The following RGS22 variants were observed in gnomAD, a reference collection of about 807,000 sequenced individuals.
RGS22 encodes the protein regulator of G-protein signaling 22.
A neutral mutation model predicts 172.9 loss-of-function variants in RGS22; 148 were observed. That is an observed-to-expected ratio of 0.86 (90% CI 0.75 to 0.98). The LOEUF (loss-of-function observed/expected upper bound fraction) is 0.98, where lower values mean the gene tolerates loss of function less well. RGS22 is among the 50% of genes least tolerant of loss of function. The pLI is 0.00. For missense variants in RGS22, 1,347 were observed against 1,440.8 expected (o/e 0.93, Z 1.05); for synonymous variants, 458 against 480.2 (o/e 0.95, Z 0.60).
chr8:99,999,266 A>G lies in RGS22; in HGVS notation c.2945T>C (p.Ile982Thr). Residue 982 changes from isoleucine (I) to threonine (T), a missense_variant, in exon 19 of 28, where the codon ATA becomes ACA. Ile to Thr is a moderately conservative substitution (Grantham distance 89). Transcript: ENST00000360863. ...ASEQFAARQK[I>T]KVQMKDIAEE... ...AGATTATACTAATTTATATACCTTTATCTTCTGACGTGCTGCAAACTGTTC... is the reference window on the plus strand; with the variant it reads ...AGATTATACTAATTTATATACCTTTGTCTTCTGACGTGCTGCAAACTGTTC... The G allele has an allele frequency of 6.2e-7, 1 of 1,613,296 alleles. No individual in the cohort carries two copies. Among genetic ancestry groups the G allele is most frequent in the Non-Finnish European group, 8.5e-7 (1 of 1,179,744 alleles).
intron 22 of RGS22, among the ~76,000 whole-genome samples, chr8:99,979,721 C>T (rs1007857668): frequency 2.6e-5 from 4 of 152,334 alleles, no homozygotes; most frequent in African/African-American, 9.6e-5. Context: ...TCCTTTCTGT[C>T]ATGATATATT....
intron 27 of RGS22, among the ~76,000 whole-genome samples, 197 bp downstream of exon 27, chr8:99,962,197 C>T (rs1810274347): frequency 6.6e-6 from 1 of 152,138 alleles, no homozygotes; most frequent in African/African-American, 2.4e-5. Context: ...AAAAGCAATA[C>T]ATGATCACTC....
chr8:100,020,322 A>G (rs1200874729), intron 14 of RGS22, among the ~76,000 whole-genome samples: 2 of 152,224 alleles, frequency 1.3e-5, no homozygotes, highest in Non-Finnish European at 2.9e-5. Flanking sequence ...CATACACTCT[A>G]AAGACAAAAG....
intron 6 of RGS22, among the ~76,000 whole-genome samples, chr8:100,069,627 T>C (rs1012290002): frequency 8.5e-5 from 13 of 152,212 alleles, no homozygotes; most frequent in Non-Finnish European, 1.3e-4. Context: ...AGACTCAATT[T>C]ATCTTTTTGT....
intron 14 of RGS22, among the ~76,000 whole-genome samples, chr8:100,033,945 G>C (rs1819146218): frequency 6.6e-6 from 1 of 152,112 alleles, no homozygotes; most frequent in Admixed American, 6.6e-5. Flanking sequence ...CAATAAACTA[G>C]GTATTGATGG....
intron 14 of RGS22, among the ~76,000 whole-genome samples, chr8:100,025,488 A>C (rs1160920819): frequency 1.3e-5 from 2 of 152,180 alleles, no homozygotes; most frequent in African/African-American, 4.8e-5. Context: ...CTTTTAGAAA[A>C]CAGAGCTTGA....
At chr8:100,034,473 A>G (rs998075728) in intron 14 of RGS22, among the ~76,000 whole-genome samples, 1 of 152,222 alleles carries the variant, frequency 6.6e-6, no homozygotes, top group African/African-American at 2.4e-5. Context: ...AGAGGACACA[A>G]ACAAATGGAA....
At chr8:100,035,674 C>G (rs978504659) in intron 14 of RGS22, among the ~76,000 whole-genome samples, 4 of 152,144 alleles carry the variant, frequency 2.6e-5, no homozygotes, top group African/African-American at 9.7e-5. Context: ...TTTACTGTGG[C>G]ACTATTCACA....
chr8:100,049,540 G>A (rs965661889), intron 10 of RGS22, among the ~76,000 whole-genome samples: 1 of 152,226 alleles, frequency 6.6e-6, no homozygotes, highest in East Asian at 1.9e-4. Context: ...TCTCTTATTC[G>A]AGTTCCTTTC....
chr8:100,069,714 C>T (rs924169190), intron 6 of RGS22, among the ~76,000 whole-genome samples: 4 of 152,148 alleles, frequency 2.6e-5, no homozygotes, highest in African/African-American at 9.7e-5. Context: ...GTTACTCTTG[C>T]TTCCCAGGTG....
intron 14 of RGS22, among the ~76,000 whole-genome samples, chr8:100,026,144 A>G (rs1397887855): frequency 2.0e-5 from 3 of 152,192 alleles, no homozygotes; most frequent in East Asian, 1.9e-4. Flanking sequence ...TGGTTTGTAC[A>G]CTATAAAAGC....
chr8:100,037,938 C>CT (rs1317307817), intron 14 of RGS22, among the ~76,000 whole-genome samples: 2 of 152,174 alleles, frequency 1.3e-5, no homozygotes, highest in Non-Finnish European at 2.9e-5. Context: ...GTACAAAGCT[C>CT]TGTCAGCTGA....
intron 14 of RGS22, among the ~76,000 whole-genome samples, chr8:100,016,730 T>C (rs1184660407): frequency 2.0e-5 from 3 of 151,996 alleles, no homozygotes; most frequent in Non-Finnish European, 4.4e-5. Flanking sequence ...TGAGCCAAGA[T>C]TGGGCCACTG....
chr8:100,040,523 TTAAC>T (rs1480311599), intron 12 of RGS22, among the ~76,000 whole-genome samples: 1 of 152,206 alleles, frequency 6.6e-6, no homozygotes, highest in Non-Finnish European at 1.5e-5. Context: ...GTGCTGCTCA[TTAAC>T]TATCCTTAGG....
intron 23 of RGS22, among the ~76,000 whole-genome samples, chr8:99,969,136 C>G (rs1243236187): frequency 6.6e-6 from 1 of 152,134 alleles, no homozygotes; most frequent in African/African-American, 2.4e-5. Context: ...TCATATCCAA[C>G]CAAACTAAGC....
At chr8:100,012,104 T>C (rs1360369046) in intron 14 of RGS22, among the ~76,000 whole-genome samples, 1 of 151,480 alleles carries the variant, frequency 6.6e-6, no homozygotes, top group Non-Finnish European at 1.5e-5. Flanking sequence ...ATATATTATA[T>C]ATATATATGT....
chr8:99,987,159 T>C (rs1813185373), intron 21 of RGS22, among the ~76,000 whole-genome samples: 2 of 152,150 alleles, frequency 1.3e-5, no homozygotes, highest in South Asian at 4.1e-4. Flanking sequence ...TTACTTTAAG[T>C]ATCATGTTGG....
chr8:99,975,459 G>A (rs965695918), intron 23 of RGS22, among the ~76,000 whole-genome samples: 2 of 151,986 alleles, frequency 1.3e-5, no homozygotes, highest in Non-Finnish European at 2.9e-5. Flanking sequence ...CTAGGGTTAT[G>A]CTATATTCTG....
chr8:100,037,271 G>A (rs1313145057), intron 14 of RGS22, among the ~76,000 whole-genome samples: 2 of 152,154 alleles, frequency 1.3e-5, no homozygotes, highest in African/African-American at 2.4e-5. Flanking sequence ...TCCAGCCTGC[G>A]TGACAGGGCA....
Sources: allele counts gnomAD v4.1 joint callset (sites outside exome capture counted in the v4.1 genomes callset), GRCh38; gene constraint gnomAD v4.1.1; transcripts MANE v1.5; gene names NCBI Gene and HGNC (gene_info 2026-07-23, HGNC 2026-07-21).